OXNAD1: variants seen among roughly 807,000 people sequenced by gnomAD.
OXNAD1 encodes oxidoreductase NAD binding domain containing 1, also known as oxidoreductase NAD-binding domain-containing protein 1.
A neutral mutation model predicts 32.9 loss-of-function variants in OXNAD1; 34 were observed. That is an observed-to-expected ratio of 1.03 (90% CI 0.79 to 1.38). The LOEUF (loss-of-function observed/expected upper bound fraction) is 1.38, where lower values mean the gene tolerates loss of function less well. Among genes scored for constraint, OXNAD1 ranks in the 40% most tolerant of loss-of-function variants. The probability of loss-of-function intolerance (pLI) is 0.00; values close to 1 mark genes in which losing one functional copy is unlikely to be tolerated. For missense variants in OXNAD1, 407 were observed against 379.4 expected (o/e 1.07, Z -0.60); for synonymous variants, 134 against 135.2 (o/e 0.99, Z 0.06).
At chr3:16,283,964 A>G (rs1321669709) in intron 4 of OXNAD1, among the ~76,000 whole-genome samples, 1 of 152,230 alleles carries the variant, frequency 6.6e-6, no homozygotes, top group Non-Finnish European at 1.5e-5. Flanking sequence ...TTGCAAGAAC[A>G]CCGAAGCTAG....
At chr3:16,292,192 C>CTTTTTTT (rs34684511) in intron 5 of OXNAD1, among the ~76,000 whole-genome samples, 1 of 134,536 alleles carries the variant, frequency 7.4e-6, no homozygotes, top group Non-Finnish European at 1.6e-5. Context: ...GTCTTCTTAA[C>CTTTTTTT]TTTTTTTTTT....
In OXNAD1 at chr3:16,298,777, C is replaced by T. The variant is rs1223400877; in HGVS notation, c.433-2849C>T. On this transcript the variant is annotated intron_variant, in intron 6 of 8. Transcript: ENST00000285083. The surrounding 1 kb of genome is among the most constrained non-coding windows in gnomAD (Gnocchi z 5.1). ...GCTATTGTGTGCTCAGCTCCAGTTG[C>T]TGTGGAAAGGTTGTTTATTTCACAA... Among the ~76,000 whole-genome samples the T allele has an allele frequency of 1.3e-5, 2 of 152,182 alleles. No homozygotes were observed. Among genetic ancestry groups the T allele is most frequent in the Non-Finnish European group, 2.9e-5 (2 of 68,042 alleles).
At chr3:16,342,053 G>A (rs1303404196), downstream of OXNAD1, among the ~76,000 whole-genome samples, 1 of 151,810 alleles carries the variant, frequency 6.6e-6, no homozygotes, top group African/African-American at 2.4e-5. The surrounding 1 kb of genome is among the most constrained non-coding windows in gnomAD (Gnocchi z 4.0). Context: ...ATATATAATT[G>A]GATATCTTAA....
At chr3:16,266,529 G>T (rs1218003087) in intron 1 of OXNAD1, among the ~76,000 whole-genome samples, 1 of 145,678 alleles carries the variant, frequency 6.9e-6, no homozygotes, top group African/African-American at 2.6e-5. Context: ...CTTGAACCTG[G>T]AAGGCAGAGA....
intron 5 of OXNAD1, among the ~76,000 whole-genome samples, chr3:16,294,034 A>G (rs1199185307): frequency 6.6e-6 from 1 of 152,104 alleles, no homozygotes; most frequent in Non-Finnish European, 1.5e-5. Flanking sequence ...ACTGGTCTAT[A>G]GTTTTCTTTC....
chr3:16,265,779 T>G lies in OXNAD1; in HGVS notation c.-159+274T>G, dbSNP rs1284172564. ...ATCTTTAAACTGAGGTACAGAGAGT[T>G]GGGCATCTTGACTAAAATCATACAC... On this transcript the variant is annotated intron_variant, in intron 1 of 8. Transcript: ENST00000285083. The surrounding 1 kb of genome is among the most constrained non-coding windows in gnomAD (Gnocchi z 4.8). The G allele has an allele frequency of 1.5e-5, 11 of 741,044 alleles. No homozygotes were observed. The highest frequency in any genetic ancestry group is 1.9e-5 in the African/African-American group (1 of 52,280). 45.9% of individuals were successfully genotyped at this position (741,044 alleles called of 1,614,324 possible).
At position 16,317,230 on chromosome 3, in the gene OXNAD1, A is replaced by G. The variant is rs2068505009; in HGVS notation, c.*30+13638A>G. ...TTTCTTCTCTGGAGAATCGCCACTG[A>G]AACTAGAAATCAGAAAGGATGGGGA... is the stretch of plus-strand genomic sequence containing the variant. On this transcript the variant is annotated intron_variant, in intron 9 of 9. Coordinates refer to the OXNAD1 transcript ENST00000435829. This position sits in a 1 kb window ranked among gnomAD's most constrained non-coding sequence, Gnocchi z 4.3. 3 of 1,611,736 alleles carry G rather than the reference A, an allele frequency of 1.9e-6. No individual in the cohort carries two copies. The highest frequency in any genetic ancestry group is 2.5e-6 in the Non-Finnish European group (3 of 1,179,944).
At chr3:16,296,988 G>A (rs114001599) in intron 6 of OXNAD1, among the ~76,000 whole-genome samples, 229 of 152,286 alleles carry the variant, frequency 1.5e-3, no homozygotes, top group African/African-American at 5.4e-3. Context: ...AAAGGTTGAT[G>A]ATAGGACATG....
Position 16,288,131 on chromosome 3 carries a change from T to G in OXNAD1, c.290+1683T>G, listed in dbSNP as rs1407124838. Among the ~76,000 whole-genome samples, 1 of 152,198 alleles carries G rather than the reference T, an allele frequency of 6.6e-6. No homozygotes were observed. Among genetic ancestry groups the G allele is most frequent in the Non-Finnish European group, 1.5e-5 (1 of 68,032 alleles). On this transcript the variant is annotated intron_variant, in intron 5 of 8. Coordinates refer to ENST00000285083, the MANE Select transcript of OXNAD1 (RefSeq NM_138381.5). The surrounding 1 kb of genome is among the most constrained non-coding windows in gnomAD (Gnocchi z 5.1). ...ACCTTATGGTCACAGAATGGCCATT[T>G]TGCTGAGGTTGGCGGTGTCTGTCCC...
intron 1 of OXNAD1, among the ~76,000 whole-genome samples, chr3:16,266,341 T>G (rs183690407): frequency 6.6e-6 from 1 of 152,258 alleles, no homozygotes; most frequent in Non-Finnish European, 1.5e-5. Flanking sequence ...AAGAAAACAT[T>G]ACAATGACTA....
intron 9 of OXNAD1, chr3:16,315,868 GA>G (rs1437453912): frequency 6.6e-6 from 1 of 152,226 alleles, no homozygotes; most frequent in African/African-American, 2.4e-5. Context: ...ACTCATAGAT[GA>G]TTTATTGCCG....
Position 16,324,012 on chromosome 3 carries a change from C to T in OXNAD1, c.*31-13100C>T, listed in dbSNP as rs1050160744. The stretch of plus-strand genomic sequence containing the variant: ...GCTCACATGCGAGGGAGGGGCGACT[C>T]GTATCTTACAATACAGTGAATTCTC... On this transcript the variant is annotated intron_variant, in intron 9 of 9. Coordinates refer to the OXNAD1 transcript ENST00000435829. 5.3e-5 allele frequency among the ~76,000 whole-genome samples: 8 copies of T among 152,232 alleles called. No homozygotes were observed. The South Asian group carries it at 1.0e-3, about 20-fold the overall frequency.
chr3:16,351,833 C>T (rs540832873), downstream of OXNAD1, among the ~76,000 whole-genome samples: 1 of 152,186 alleles, frequency 6.6e-6, no homozygotes, highest in South Asian at 2.1e-4. The surrounding 1 kb of genome is among the most constrained non-coding windows in gnomAD (Gnocchi z 5.4). Context: ...TAAAAAGTAA[C>T]AACTGGCTGA....
downstream of OXNAD1, among the ~76,000 whole-genome samples, chr3:16,310,298 G>T (rs554476980): frequency 7.9e-4 from 119 of 150,836 alleles, no homozygotes; most frequent in Non-Finnish European, 1.3e-3. Context: ...TGATTCTCTT[G>T]TTTTTTTTTC....
Position 16,287,483 on chromosome 3 carries a change from C to G in OXNAD1, c.290+1035C>G, listed in dbSNP as rs1354917949. Among the ~76,000 whole-genome samples, 1 of 152,204 alleles carries G rather than the reference C, an allele frequency of 6.6e-6. No individual in the cohort carries two copies. The highest frequency in any genetic ancestry group is 2.4e-5 in the African/African-American group (1 of 41,440). On this transcript the variant is annotated intron_variant, in intron 5 of 8. Coordinates refer to ENST00000285083, the MANE Select transcript of OXNAD1 (RefSeq NM_138381.5). The surrounding 1 kb of genome is among the most constrained non-coding windows in gnomAD (Gnocchi z 4.8). ...CATGTTCGATGATACACATTAAATGCATTTTGCCTGTTTTAGGGGGCGGGC... is the reference window on the plus strand; with the variant it reads ...CATGTTCGATGATACACATTAAATGGATTTTGCCTGTTTTAGGGGGCGGGC...
chr3:16,273,488 A>G (rs1169844401), intron 4 of OXNAD1, among the ~76,000 whole-genome samples: 1 of 150,368 alleles, frequency 6.7e-6, no homozygotes, highest in Non-Finnish European at 1.5e-5. Flanking sequence ...CTGTCTCCCA[A>G]GCTCGACTGA....
In OXNAD1 at chr3:16,271,183, A is replaced by G. The variant is rs763794869; in HGVS notation, c.119+112A>G. ...CCGGAAAGGTAACACCTTAGCTTCA[A>G]TGTGCATGCTGTCAGGTTGTTAACC... On this transcript the variant is annotated intron_variant, in intron 3 of 8. Coordinates refer to ENST00000285083, the MANE Select transcript of OXNAD1 (RefSeq NM_138381.5). The surrounding 1 kb of genome is among the most constrained non-coding windows in gnomAD (Gnocchi z 4.6). 6.3e-5 allele frequency: 80 copies of G among 1,274,028 alleles called. No homozygotes were observed. The highest frequency in any genetic ancestry group is 1.8e-4 in the South Asian group (13 of 71,738). 78.9% of individuals were successfully genotyped at this position (1,274,028 alleles called of 1,614,324 possible).
In OXNAD1 at chr3:16,289,387, A is replaced by G. The variant is rs1221518674; in HGVS notation, c.290+2939A>G. Among the ~76,000 whole-genome samples, 1 of 152,198 alleles carries G rather than the reference A, an allele frequency of 6.6e-6. No individual in the cohort carries two copies. The highest frequency in any genetic ancestry group is 1.5e-5 in the Non-Finnish European group (1 of 68,034). On this transcript the variant is annotated intron_variant, in intron 5 of 8. Coordinates refer to ENST00000285083, the MANE Select transcript of OXNAD1 (RefSeq NM_138381.5). The surrounding 1 kb of genome is among the most constrained non-coding windows in gnomAD (Gnocchi z 4.9). ...GGGTATAGCTTGCCTCCTGAGGGGA[A>G]GTAAGGCCAAAGCATTTTCACAGAG...
intron 4 of OXNAD1, among the ~76,000 whole-genome samples, chr3:16,279,873 A>T (rs2065622679): frequency 6.6e-6 from 1 of 152,180 alleles, no homozygotes; most frequent in Non-Finnish European, 1.5e-5. Context: ...AGACAGGACC[A>T]TATGTAACTC....
Sources: allele counts gnomAD v4.1 joint callset (sites outside exome capture counted in the v4.1 genomes callset), GRCh38; gene constraint gnomAD v4.1.1; non-coding constraint Gnocchi (gnomAD v3.1); transcripts MANE v1.5; gene names NCBI Gene and HGNC (gene_info 2026-07-23, HGNC 2026-07-21).